Variants in FER observed in about 807,000 individuals in gnomAD.
FER encodes the protein tyrosine-protein kinase Fer.
In FER, 63 loss-of-function variants were observed where a neutral mutation model predicts 111.0. The ratio of observed to expected loss-of-function variants is 0.57; its 90% CI spans 0.46 to 0.70. The LOEUF (loss-of-function observed/expected upper bound fraction) is 0.70, where lower values mean the gene tolerates loss of function less well. FER is among the 30% of genes least tolerant of loss of function. The probability of loss-of-function intolerance (pLI) is 0.00; values close to 1 mark genes in which losing one functional copy is unlikely to be tolerated. For synonymous variants in FER, 327 were observed against 313.9 expected, an observed-to-expected ratio of 1.04 and a Z score of -0.44; for missense variants, 914 against 954.0, an observed-to-expected ratio of 0.96 and a Z score of 0.55.
chr5:109,075,765 A>T (rs1039764806), intron 16 of FER, among the ~76,000 whole-genome samples: 18 of 152,162 alleles, frequency 1.2e-4, no homozygotes, highest in African/African-American at 3.9e-4. Context: ...ACTTAAAAAC[A>T]TACCGAAATT....
chr5:108,924,381 AAT>A (rs1365251335), intron 10 of FER, among the ~76,000 whole-genome samples: 53 of 148,874 alleles, frequency 3.6e-4, no homozygotes, highest in African/African-American at 1.2e-3. Flanking sequence ...AAAAAAAAAA[AAT>A]CAAGTAGAAC....
intron 13 of FER, among the ~76,000 whole-genome samples, chr5:109,035,056 AC>A (rs1372677580): frequency 3.1e-4 from 20 of 65,016 alleles, no homozygotes; most frequent in African/African-American, 1.3e-3. Context: ...TTTTTTTTTT[AC>A]TGAGTCTCGC....
chr5:109,003,435 G>T (rs1015059419), intron 13 of FER, among the ~76,000 whole-genome samples: 1 of 152,112 alleles, frequency 6.6e-6, no homozygotes, highest in Non-Finnish European at 1.5e-5. Flanking sequence ...ATGGACACAG[G>T]AAGGGGAACA....
intron 5 of FER, chr5:108,843,147 C>G (rs1761450300): frequency 1.3e-5 from 2 of 152,234 alleles, no homozygotes; most frequent in African/African-American, 4.8e-5. Flanking sequence ...AGCTCCCACA[C>G]ATCAGTGAGA....
chr5:108,974,709 AG>A (rs778479647), intron 13 of FER, among the ~76,000 whole-genome samples: 28 of 152,236 alleles, frequency 1.8e-4, no homozygotes, highest in Non-Finnish European at 3.8e-4. Flanking sequence ...TGGAAGAGGA[AG>A]GTAGAAGTCG....
At chr5:108,892,996 C>G (rs1178481356) in intron 9 of FER, among the ~76,000 whole-genome samples, 1 of 152,150 alleles carries the variant, frequency 6.6e-6, no homozygotes, top group Non-Finnish European at 1.5e-5. Context: ...GGCATTATTT[C>G]TGAGGGCTCT....
chr5:108,967,068 C>G (rs1216507681), intron 13 of FER, among the ~76,000 whole-genome samples: 1 of 152,170 alleles, frequency 6.6e-6, no homozygotes, highest in Non-Finnish European at 1.5e-5. Flanking sequence ...CCACCTAGGC[C>G]TCACACAGCC....
At chr5:109,167,545 G>A (rs556966040) in intron 17 of FER, among the ~76,000 whole-genome samples, 13 of 152,072 alleles carry the variant, frequency 8.5e-5, no homozygotes, top group African/African-American at 1.9e-4. Context: ...TGTCTTTGGC[G>A]TGTATTTAAG....
chr5:108,984,770 C>T (rs929940442), intron 13 of FER, among the ~76,000 whole-genome samples: 1 of 152,044 alleles, frequency 6.6e-6, no homozygotes, highest in Non-Finnish European at 1.5e-5. Flanking sequence ...AATTTTCTCT[C>T]AATCCGTGGT....
intron 17 of FER, among the ~76,000 whole-genome samples, chr5:109,162,568 C>T (rs1011783809): frequency 6.6e-6 from 1 of 152,042 alleles, no homozygotes; most frequent in African/African-American, 2.4e-5. Context: ...ACAAAAATCC[C>T]ACCAAGATAA....
chr5:108,843,368 T>C (rs1398032428), intron 5 of FER, among the ~76,000 whole-genome samples: 1 of 152,196 alleles, frequency 6.6e-6, no homozygotes, highest in Non-Finnish European at 1.5e-5. Context: ...CAAATTATTC[T>C]GAATCTATTC....
chr5:108,888,231 A>T (rs1006499192), intron 9 of FER, among the ~76,000 whole-genome samples: 20 of 151,646 alleles, frequency 1.3e-4, no homozygotes, highest in African/African-American at 4.8e-4. Context: ...TATGTGATTT[A>T]AAAAAAATGT....
chr5:108,914,762 C>T (rs1375432280), intron 10 of FER, among the ~76,000 whole-genome samples: 2 of 152,152 alleles, frequency 1.3e-5, no homozygotes, highest in Non-Finnish European at 2.9e-5. Context: ...TGAGAAGTTG[C>T]TGATGATTAA....
intron 16 of FER, among the ~76,000 whole-genome samples, chr5:109,083,759 T>G (rs1291128471): frequency 6.6e-6 from 1 of 151,992 alleles, no homozygotes; most frequent in South Asian, 2.1e-4. Context: ...AATGCCTCCC[T>G]GTATGACAGA....
intron 13 of FER, among the ~76,000 whole-genome samples, chr5:109,011,191 G>A (rs1766216271): frequency 6.6e-6 from 1 of 151,940 alleles, no homozygotes; most frequent in Non-Finnish European, 1.5e-5. Flanking sequence ...TTGATGCATA[G>A]TATTAGAAAT....
chr5:109,126,071 C>G (rs967654778), intron 17 of FER, among the ~76,000 whole-genome samples: 1 of 152,012 alleles, frequency 6.6e-6, no homozygotes, highest in African/African-American at 2.4e-5. Flanking sequence ...TACTTTCTGT[C>G]AGACTCCCTG....
chr5:108,992,914 G>C (rs1763433664), intron 13 of FER, among the ~76,000 whole-genome samples: 2 of 151,242 alleles, frequency 1.3e-5, no homozygotes, highest in Admixed American at 6.6e-5. Flanking sequence ...CGGCGGGGCA[G>C]AGACGCTTCC....
rs1253108845 is a variant in FER at position 108,783,794 on chromosome 5, C to T, written c.-59-14330C>T. On this transcript the variant is annotated intron_variant, in intron 2 of 19. Transcript: ENST00000281092. ...ATTCTTAGGCTGAGTTAGTGTATAT[C>T]TATTGCTGGGGAAGGGATGGGCTGG... is the stretch of plus-strand genomic sequence containing the variant. 2.0e-5 allele frequency among the ~76,000 whole-genome samples: 3 copies of T among 151,980 alleles called. No homozygotes were observed. The East Asian group carries it at 5.8e-4, about 29-fold the overall frequency.
chr5:108,806,645 T>G (rs1247587673), intron 3 of FER, among the ~76,000 whole-genome samples: 2 of 152,172 alleles, frequency 1.3e-5, no homozygotes, highest in African/African-American at 4.8e-5. Context: ...AAGGAGATCA[T>G]TTTGGAGCTT....
Sources: allele counts gnomAD v4.1 joint callset (sites outside exome capture counted in the v4.1 genomes callset), GRCh38; gene constraint gnomAD v4.1.1; transcripts MANE v1.5; gene names NCBI Gene and HGNC (gene_info 2026-07-23, HGNC 2026-07-21).